Variants in MTMR8 observed in about 807,000 individuals in gnomAD.
The protein encoded by MTMR8 is myotubularin related protein 8.
A neutral mutation model predicts 39.3 loss-of-function variants in MTMR8; 65 were observed. That is an observed-to-expected ratio of 1.65 (90% CI 1.35 to 2.03). The LOEUF is 2.03. MTMR8 is among the 30% of genes most tolerant of loss of function. MTMR8 has a pLI of 0.00. For synonymous variants in MTMR8, 245 were observed against 185.2 expected (o/e 1.32, Z -2.62); for missense variants, 777 against 538.9 (o/e 1.44, Z -4.37).
rs141430285 is a variant in MTMR8, at chrX:64,318,259, G to A, written c.1481+10513C>T. Among the ~76,000 whole-genome samples the A allele has an allele frequency of 1.6e-3, 177 of 112,428 alleles. 1 individual carries two copies. The highest frequency in any genetic ancestry group is 5.0e-3 in the African/African-American group (156 of 30,970). ...GGGGCCATTTGGGTATTTTGTGATA[G>A]CTTGATGAGGCCAGAAATCTAGACT... On this transcript the variant is annotated intron_variant, in intron 12 of 13. Coordinates refer to ENST00000374852, the MANE Select transcript of MTMR8 (RefSeq NM_017677.4).
At chrX:64,270,281 G>A (rs761763387) in intron 13 of MTMR8, among the ~76,000 whole-genome samples, 1 of 112,117 alleles carries the variant, frequency 8.9e-6, no homozygotes, top group Admixed American at 9.4e-5. Context: ...TTTACTTACA[G>A]GGAGCAGAAA....
chrX:64,318,644 T>A (rs1474380400), intron 12 of MTMR8, among the ~76,000 whole-genome samples: 3 of 109,788 alleles, frequency 2.7e-5, no homozygotes, highest in Non-Finnish European at 5.7e-5. Context: ...GTGGGGGGAG[T>A]AGGAAAAATA....
At chrX:64,302,013 C>G (rs1258054092) in intron 12 of MTMR8, among the ~76,000 whole-genome samples, 1 of 112,485 alleles carries the variant, frequency 8.9e-6, no homozygotes, top group African/African-American at 3.2e-5. Flanking sequence ...TTACTGCTGT[C>G]TTTTTGTTTG....
intron 1 of MTMR8, among the ~76,000 whole-genome samples, chrX:64,393,597 G>A (rs975135248): frequency 4.5e-5 from 5 of 112,214 alleles, no homozygotes; most frequent in Middle Eastern, 4.6e-3. Flanking sequence ...GTTGGGAGAA[G>A]AGGGAGTCTG....
At chrX:64,378,440 C>T (rs763504828) in intron 1 of MTMR8, among the ~76,000 whole-genome samples, 2 of 111,471 alleles carry the variant, frequency 1.8e-5, no homozygotes, top group Non-Finnish European at 3.8e-5. Context: ...AGGCTGGTCT[C>T]AAACTCCCCG....
intron 12 of MTMR8, among the ~76,000 whole-genome samples, chrX:64,275,327 C>G (rs1931847674): frequency 9.1e-6 from 1 of 109,900 alleles, no homozygotes; most frequent in Non-Finnish European, 1.9e-5. Context: ...AACAAACTAG[C>G]CCAAAGGTAG....
chrX:64,295,705 T>C (rs1921553543), intron 12 of MTMR8, among the ~76,000 whole-genome samples: 1 of 111,044 alleles, frequency 9.0e-6, no homozygotes, highest in Non-Finnish European at 1.9e-5. Flanking sequence ...CACATGAAAA[T>C]ATGCTCAATG....
At chrX:64,304,964 G>GTA (rs767273255) in intron 12 of MTMR8, 1 of 61,740 alleles carries the variant, frequency 1.6e-5, no homozygotes, top group Non-Finnish European at 3.1e-5. Flanking sequence ...ATATATATAT[G>GTA]TATATACATA....
intron 1 of MTMR8, among the ~76,000 whole-genome samples, chrX:64,389,024 T>C (rs1924631706): frequency 8.9e-6 from 1 of 112,066 alleles, no homozygotes; most frequent in Non-Finnish European, 1.9e-5. Context: ...CACAGACTGT[T>C]TGGCTTCGTA....
chrX:64,283,577 T>C (rs974912940), intron 12 of MTMR8, among the ~76,000 whole-genome samples: 3 of 111,795 alleles, frequency 2.7e-5, no homozygotes, highest in African/African-American at 6.5e-5. Flanking sequence ...CACCCCCCAG[T>C]AGGGGCAGAC....
intron 12 of MTMR8, among the ~76,000 whole-genome samples, chrX:64,271,632 AC>A (rs1404279979): frequency 8.9e-6 from 1 of 112,327 alleles, no homozygotes; most frequent in Non-Finnish European, 1.9e-5. Context: ...TCAGGAGGAA[AC>A]CCCCATTCCC....
intron 2 of MTMR8, among the ~76,000 whole-genome samples, chrX:64,356,869 T>G (rs1246568852): frequency 9.0e-6 from 1 of 110,865 alleles, no homozygotes; most frequent in Non-Finnish European, 1.9e-5. Context: ...CCTCATCAGA[T>G]ATCATATAGC....
intron 4 of MTMR8, among the ~76,000 whole-genome samples, chrX:64,352,809 A>G (rs1338596379): frequency 9.0e-6 from 1 of 111,692 alleles, no homozygotes; most frequent in Non-Finnish European, 1.9e-5. Context: ...ATAACTTCAC[A>G]TATCATTCTT....
At chrX:64,372,019 C>T (rs1199603312) in intron 1 of MTMR8, among the ~76,000 whole-genome samples, 2 of 107,866 alleles carry the variant, frequency 1.9e-5, no homozygotes, top group Non-Finnish European at 3.8e-5. Context: ...GGTATGCATA[C>T]CTACATACCT....
chrX:64,374,006 A>T (rs772801501), intron 1 of MTMR8, among the ~76,000 whole-genome samples: 2 of 111,958 alleles, frequency 1.8e-5, no homozygotes, highest in South Asian at 7.5e-4. Context: ...AATACAAACA[A>T]CTAAAGCTAG....
At chrX:64,296,374 G>C (rs1294556416) in intron 12 of MTMR8, among the ~76,000 whole-genome samples, 4 of 110,907 alleles carry the variant, frequency 3.6e-5, no homozygotes, top group Non-Finnish European at 7.6e-5. Flanking sequence ...TGATGAAAGA[G>C]TTCTGGAAAT....
intron 10 of MTMR8, among the ~76,000 whole-genome samples, chrX:64,335,182 A>C (rs1923042585): frequency 9.2e-6 from 1 of 108,613 alleles, no homozygotes; most frequent in Admixed American, 9.8e-5. Flanking sequence ...CCCAGGCTGG[A>C]GTGCAATGGC....
At chrX:64,390,765 GC>G (rs954451955) in intron 1 of MTMR8, among the ~76,000 whole-genome samples, 3 of 109,014 alleles carry the variant, frequency 2.8e-5, no homozygotes, top group Admixed American at 9.8e-5. Flanking sequence ...CATCCCCACC[GC>G]CCCCCCAGCC....
intron 12 of MTMR8, among the ~76,000 whole-genome samples, chrX:64,315,553 T>C (rs992399886): frequency 8.9e-6 from 1 of 112,070 alleles, no homozygotes; most frequent in Non-Finnish European, 1.9e-5. Flanking sequence ...CTATGTGATA[T>C]GGCCTCTGCT....
Sources: allele counts gnomAD v4.1 joint callset (sites outside exome capture counted in the v4.1 genomes callset), GRCh38; gene constraint gnomAD v4.1.1; transcripts MANE v1.5; gene names NCBI Gene and HGNC (gene_info 2026-07-23, HGNC 2026-07-21).